Variants in DAB1 observed in about 807,000 individuals in gnomAD.
DAB1 encodes the protein DAB adaptor protein 1, also known as disabled homolog 1.
DAB1 carries 15 observed loss-of-function variants against 64.6 expected under a neutral mutation model. The ratio of observed to expected loss-of-function variants is 0.23; its 90% CI spans 0.16 to 0.36. The LOEUF is 0.36. DAB1 is among the 10% of genes least tolerant of loss of function. DAB1 has a pLI of 1.00. For missense variants in DAB1, 596 were observed against 706.7 expected, an observed-to-expected ratio of 0.84 and a Z score of 1.78; for synonymous variants, 235 against 251.9, an observed-to-expected ratio of 0.93 and a Z score of 0.64.
At chr1:57,910,832 G>C (rs1644632881) in intron 5 of DAB1, among the ~76,000 whole-genome samples, 1 of 152,196 alleles carries the variant, frequency 6.6e-6, no homozygotes, top group East Asian at 1.9e-4. Flanking sequence ...CAACAGACCA[G>C]GGTTTGGATC....
chr1:58,026,158 G>T (rs764214301), intron 5 of DAB1, among the ~76,000 whole-genome samples: 9 of 152,184 alleles, frequency 5.9e-5, no homozygotes, highest in Non-Finnish European at 1.0e-4. Context: ...CTGACACAAA[G>T]TAAGGTTCAT....
chr1:57,989,399 T>C (rs1405066919), intron 5 of DAB1, among the ~76,000 whole-genome samples: 2 of 152,106 alleles, frequency 1.3e-5, no homozygotes, highest in South Asian at 2.1e-4. Context: ...TTAAACCTAT[T>C]TTCCTTTTGA....
chr1:58,546,248 G>C (rs998279316), intron 1 of DAB1, among the ~76,000 whole-genome samples: 1 of 152,254 alleles, frequency 6.6e-6, no homozygotes, highest in African/African-American at 2.4e-5. Context: ...GGGTGAAAGA[G>C]ACGAATGCCC....
intron 4 of DAB1, among the ~76,000 whole-genome samples, chr1:58,220,100 T>C (rs553140578): frequency 6.6e-6 from 1 of 152,328 alleles, no homozygotes; most frequent in Non-Finnish European, 1.5e-5. Context: ...ATTTGTTCCC[T>C]GAAAAAAGAA....
At chr1:57,782,170 G>A (rs987612781) in intron 6 of DAB1, among the ~76,000 whole-genome samples, 2 of 147,054 alleles carry the variant, frequency 1.4e-5, no homozygotes, top group Non-Finnish European at 3.0e-5. Context: ...TAATTATTTC[G>A]AGGTACGCTC....
chr1:58,279,813 T>C (rs535000555), intron 4 of DAB1, among the ~76,000 whole-genome samples: 17 of 152,292 alleles, frequency 1.1e-4, no homozygotes, highest in Admixed American at 9.8e-4. Context: ...ACCCAGTGGC[T>C]GTGAAGAGGA....
intron 5 of DAB1, among the ~76,000 whole-genome samples, chr1:58,015,862 A>T (rs1646730645): frequency 6.6e-6 from 1 of 152,200 alleles, no homozygotes; most frequent in Non-Finnish European, 1.5e-5. Context: ...GAAGCAAGAG[A>T]TACAAACGGA....
intron 1 of DAB1, among the ~76,000 whole-genome samples, chr1:58,537,740 CAA>C (rs1646539683): frequency 6.6e-6 from 1 of 152,158 alleles, no homozygotes; most frequent in African/African-American, 2.4e-5. Context: ...TGCCTTTACA[CAA>C]AGTGTGTCCA....
chr1:57,787,875 A>C (rs887384956), intron 6 of DAB1, among the ~76,000 whole-genome samples: 1 of 152,202 alleles, frequency 6.6e-6, no homozygotes, highest in Non-Finnish European at 1.5e-5. Flanking sequence ...CTTCATCAGA[A>C]AAAGATGAGA....
At chr1:57,183,910 G>A (rs1663248368) in intron 2 of DAB1, among the ~76,000 whole-genome samples, 1 of 152,122 alleles carries the variant, frequency 6.6e-6, no homozygotes, top group Non-Finnish European at 1.5e-5. Flanking sequence ...TTCTGGAGGA[G>A]ACACCATTAG....
At chr1:57,661,552 T>TAGAAGAAGTCACTAGAAGTCACTAGA (rs1383823629) in intron 6 of DAB1, among the ~76,000 whole-genome samples, 1 of 152,132 alleles carries the variant, frequency 6.6e-6, no homozygotes, top group African/African-American at 2.4e-5. Flanking sequence ...TGGAAGTCAC[T>TAGAAGAAGTCACTAGAAGTCACTAGA]AGAAGATAGT....
chr1:58,177,669 C>A (rs1316931602), intron 4 of DAB1, among the ~76,000 whole-genome samples: 1 of 151,904 alleles, frequency 6.6e-6, no homozygotes, highest in Non-Finnish European at 1.5e-5. Flanking sequence ...TTCTTTTAAG[C>A]CCCACAACAA....
rs111900472 is a variant in DAB1 at position 57,763,404 on chromosome 1, G to A, written n.552-113739C>T. ...TTTTAAATATCTGTCTAGGCTGGGC[G>A]TGGTGGCTTATGCCTGTAACCCCAA... is the stretch of plus-strand genomic sequence containing the variant. On this transcript the variant is annotated intron_variant and non_coding_transcript_variant, in intron 6 of 20. Coordinates refer to the DAB1 transcript ENST00000485760. 2.9e-3 allele frequency among the ~76,000 whole-genome samples: 445 copies of A among 152,244 alleles called. 3 individuals are homozygous for A. The highest frequency in any genetic ancestry group is 9.8e-3 in the African/African-American group (408 of 41,556).
At chr1:57,031,069 T>G (rs1429008096) in intron 9 of DAB1, among the ~76,000 whole-genome samples, 1 of 152,220 alleles carries the variant, frequency 6.6e-6, no homozygotes, top group South Asian at 2.1e-4. Context: ...AAAATAACCT[T>G]CATACTTGAG....
At chr1:57,606,811 C>T (rs1570669268) in intron 7 of DAB1, among the ~76,000 whole-genome samples, 1 of 115,424 alleles carries the variant, frequency 8.7e-6, no homozygotes, top group South Asian at 2.8e-4. Flanking sequence ...GAGAGAGAGA[C>T]AGATTTTCAC....
intron 7 of DAB1, among the ~76,000 whole-genome samples, chr1:57,534,745 C>T (rs1396164085): frequency 5.3e-5 from 8 of 152,084 alleles, no homozygotes; most frequent in Admixed American, 5.2e-4. Flanking sequence ...CCTACTAGTG[C>T]CATGTGCTGG....
intron 4 of DAB1, among the ~76,000 whole-genome samples, chr1:58,175,684 A>T (rs1570449034): frequency 2.0e-5 from 3 of 152,226 alleles, no homozygotes; most frequent in African/African-American, 4.8e-5. Context: ...TTACACATAA[A>T]TTTTTTGCTA....
chr1:57,747,576 G>A (rs371811714), intron 6 of DAB1, among the ~76,000 whole-genome samples: 7 of 152,014 alleles, frequency 4.6e-5, no homozygotes, highest in South Asian at 2.1e-4. Flanking sequence ...TTGGGAGGCC[G>A]AGGCGGGTGG....
At chr1:57,960,974 C>A (rs1379406198) in intron 5 of DAB1, among the ~76,000 whole-genome samples, 2 of 152,312 alleles carry the variant, frequency 1.3e-5, no homozygotes, top group South Asian at 2.1e-4. Flanking sequence ...AGATTAGAGA[C>A]CAAATTCCAG....
Sources: gnomAD v4.1 joint callset for allele counts (sites outside exome capture counted in the v4.1 genomes callset) on GRCh38, gnomAD v4.1.1 for gene constraint, MANE v1.5 for transcripts, NCBI Gene and HGNC (gene_info 2026-07-23, HGNC 2026-07-21) for gene names.